The following CTNND2 variants were observed in gnomAD, a reference collection of about 807,000 sequenced individuals.
CTNND2 encodes the protein catenin delta-2.
A neutral mutation model predicts 144.4 loss-of-function variants in CTNND2; 22 were observed. The observed-to-expected ratio is 0.15, with a 90% CI of 0.11 to 0.22. The LOEUF (loss-of-function observed/expected upper bound fraction) is 0.22. Among genes scored for constraint, CTNND2 ranks in the 10% least tolerant of loss-of-function variants. CTNND2 has a pLI of 1.00. For missense variants in CTNND2, 1,353 were observed against 1,618.8 expected (o/e 0.84, Z 2.82); for synonymous variants, 751 against 695.6 (o/e 1.08, Z -1.25).
chr5:11,746,995 A>G (rs1219788284), intron 1 of CTNND2, among the ~76,000 whole-genome samples: 1 of 152,204 alleles, frequency 6.6e-6, no homozygotes, highest in African/African-American at 2.4e-5. Context: ...ACATGATATT[A>G]AAGTAGTCAA....
chr5:11,111,909 C>T (rs1456771798), intron 13 of CTNND2, among the ~76,000 whole-genome samples: 4 of 150,708 alleles, frequency 2.7e-5, no homozygotes, highest in African/African-American at 9.8e-5. Context: ...TGCAGTGGCG[C>T]GATCTCGGCT....
chr5:10,991,816 A>G (rs1278532404), intron 19 of CTNND2, among the ~76,000 whole-genome samples: 1 of 152,272 alleles, frequency 6.6e-6, no homozygotes, highest in Admixed American at 6.5e-5. Flanking sequence ...CATCAGTGCT[A>G]TGTGTCAAAT....
chr5:11,046,866 A>C (rs1745318216), intron 16 of CTNND2, among the ~76,000 whole-genome samples: 1 of 152,196 alleles, frequency 6.6e-6, no homozygotes, highest in African/African-American at 2.4e-5. Flanking sequence ...CAACAAAAAA[A>C]CAGGCTTCAA....
At chr5:11,255,204 A>T (rs1744106345) in intron 9 of CTNND2, among the ~76,000 whole-genome samples, 1 of 152,198 alleles carries the variant, frequency 6.6e-6, no homozygotes, top group African/African-American at 2.4e-5. Flanking sequence ...AGAAGAAGGG[A>T]AAAAGGACTG....
intron 16 of CTNND2, among the ~76,000 whole-genome samples, chr5:11,073,439 G>A (rs1024754225): frequency 6.6e-6 from 1 of 152,176 alleles, no homozygotes; most frequent in African/African-American, 2.4e-5. Context: ...CTCTCTTTGA[G>A]GTCTCTAAGC....
chr5:11,291,137 T>C (rs1689054530), intron 9 of CTNND2, among the ~76,000 whole-genome samples: 1 of 152,078 alleles, frequency 6.6e-6, no homozygotes, highest in South Asian at 2.1e-4. Context: ...CTGACTGCGG[T>C]CCATATCTAC....
At chr5:11,617,721 T>C (rs554344137) in intron 2 of CTNND2, among the ~76,000 whole-genome samples, 3 of 152,258 alleles carry the variant, frequency 2.0e-5, no homozygotes, top group East Asian at 1.9e-4. Context: ...GAGAAATAAA[T>C]AAGGGCACAC....
At chr5:11,055,670 C>G (rs1174157514) in intron 16 of CTNND2, among the ~76,000 whole-genome samples, 1 of 152,174 alleles carries the variant, frequency 6.6e-6, no homozygotes, top group Non-Finnish European at 1.5e-5. Flanking sequence ...AGAGGGATGG[C>G]CTGGAGTCTG....
At chr5:11,610,503 CTA>C (rs1438187424) in intron 2 of CTNND2, among the ~76,000 whole-genome samples, 7 of 152,152 alleles carry the variant, frequency 4.6e-5, no homozygotes, top group African/African-American at 7.2e-5. Flanking sequence ...CTATAAATTA[CTA>C]TGTTTTAATG....
intron 6 of CTNND2, among the ~76,000 whole-genome samples, chr5:11,396,755 G>A (rs1760177276): frequency 6.6e-6 from 1 of 152,138 alleles, no homozygotes; most frequent in East Asian, 1.9e-4. Flanking sequence ...GATGGACACT[G>A]ACATAGTCAC....
intron 1 of CTNND2, among the ~76,000 whole-genome samples, chr5:11,799,468 T>C (rs958516186): frequency 8.5e-5 from 13 of 152,194 alleles, no homozygotes; most frequent in Admixed American, 5.9e-4. Context: ...GAGATGTGTA[T>C]AGTTTTCAAA....
intron 18 of CTNND2, among the ~76,000 whole-genome samples, chr5:10,998,117 A>C (rs1385573135): frequency 6.6e-6 from 1 of 152,260 alleles, no homozygotes. Context: ...GGATGCACTC[A>C]AAAAATTTTC....
intron 16 of CTNND2, among the ~76,000 whole-genome samples, chr5:11,031,707 A>G (rs1743496432): frequency 6.6e-6 from 1 of 152,206 alleles, no homozygotes; most frequent in South Asian, 2.1e-4. Context: ...GGCTGCCAGC[A>G]TGGCTAGAAC....
At chr5:11,246,494 G>A (rs371250121) in intron 9 of CTNND2, among the ~76,000 whole-genome samples, 113 of 152,086 alleles carry the variant, frequency 7.4e-4, no homozygotes, top group African/African-American at 2.5e-3. Flanking sequence ...CGAGGATTCC[G>A]GGCACCACCA....
At chr5:10,975,019 T>A (rs1269892953) in intron 21 of CTNND2, among the ~76,000 whole-genome samples, 6 of 152,206 alleles carry the variant, frequency 3.9e-5, no homozygotes, top group Admixed American at 2.0e-4. Context: ...GAGGTTTCTG[T>A]CTACCTACAG....
At chr5:11,313,924 C>T (rs138176212) in intron 9 of CTNND2, among the ~76,000 whole-genome samples, 7 of 152,110 alleles carry the variant, frequency 4.6e-5, no homozygotes, top group East Asian at 1.9e-4. Context: ...GTGCCACACA[C>T]GATTAAACAA....
intron 2 of CTNND2, among the ~76,000 whole-genome samples, chr5:11,698,290 T>TA (rs57480142): frequency 0.063 from 7,061 of 111,474 alleles, 601 homozygotes; most frequent in African/African-American, 0.23. Flanking sequence ...ACATTATTAT[T>TA]TTTTTTTTTT....
intron 8 of CTNND2, among the ~76,000 whole-genome samples, chr5:11,362,056 T>A (rs1035083587): frequency 6.6e-6 from 1 of 152,178 alleles, no homozygotes. Context: ...TTCAGGCTGG[T>A]AGGCCTCATA....
chr5:11,704,882 A>G (rs933140379), intron 2 of CTNND2, among the ~76,000 whole-genome samples: 1 of 151,818 alleles, frequency 6.6e-6, no homozygotes, highest in African/African-American at 2.4e-5. Flanking sequence ...AAAATGGAAA[A>G]TATCTACAAT....
Sources: gnomAD v4.1 joint callset for allele counts (sites outside exome capture counted in the v4.1 genomes callset) on GRCh38, gnomAD v4.1.1 for gene constraint, MANE v1.5 for transcripts, NCBI Gene and HGNC (gene_info 2026-07-23, HGNC 2026-07-21) for gene names.